The following SMUG1 variants were observed in gnomAD, a reference collection of about 807,000 sequenced individuals.
The protein encoded by SMUG1 is single-strand selective monofunctional uracil DNA glycosylase.
A neutral mutation model predicts 23.9 loss-of-function variants in SMUG1; 13 were observed. The observed-to-expected ratio is 0.54, with a 90% confidence interval of 0.35 to 0.86. The LOEUF (loss-of-function observed/expected upper bound fraction) is 0.86, where lower values mean the gene tolerates loss of function less well. Ranked by LOEUF, SMUG1 falls within the 40% of genes least tolerant of loss-of-function variation. SMUG1 has a pLI of 0.01. For missense variants in SMUG1, 313 were observed against 339.5 expected (o/e 0.92, Z 0.61); for synonymous variants, 133 against 139.8 (o/e 0.95, Z 0.34).
At chr12:54,179,456 TTCTA>T (rs1311642261), downstream of SMUG1, among the ~76,000 whole-genome samples, 3 of 152,186 alleles carry the variant, frequency 2.0e-5, no homozygotes, top group Non-Finnish European at 2.9e-5. Flanking sequence ...AAATGATGGC[TTCTA>T]TCTCTGTGCA....
At chr12:54,176,326 C>G (rs1940747488), downstream of SMUG1, among the ~76,000 whole-genome samples, 1 of 151,534 alleles carries the variant, frequency 6.6e-6, no homozygotes, top group Admixed American at 6.6e-5. Context: ...TAGAGACCAG[C>G]CTGGGCAACA....
At chr12:54,174,410 A>C (rs745327897) in intron 2 of SMUG1, among the ~76,000 whole-genome samples, 6 of 152,228 alleles carry the variant, frequency 3.9e-5, no homozygotes, top group Non-Finnish European at 8.8e-5. Context: ...GAGGGTAGAT[A>C]CCAGAAAGAG....
At chr12:54,185,521 TAAA>T (rs1942238377) in intron 2 of SMUG1, among the ~76,000 whole-genome samples, 1 of 45,704 alleles carries the variant, frequency 2.2e-5, no homozygotes, top group Non-Finnish European at 5.8e-5. Flanking sequence ...AATAAATAAA[TAAA>T]TAAATTTGCC....
rs2233921 is a variant in SMUG1 at position 54,182,016 on chromosome 12, C to A, written c.*80G>T. The A allele has an allele frequency of 0.45, 677,895 of 1,510,624 alleles. 158,229 individuals are homozygous for A. Among genetic ancestry groups the A allele is most frequent in the Non-Finnish European group, 0.47 (536,707 of 1,131,390 alleles). The allele number at this position is 1,510,624 out of a possible 1,614,324, so 93.6% of individuals were successfully genotyped here. ...GCACAGAAGGACCTTTTGCTCCAGT[C>A]CAGGAGATGTGTTGTCATCTGCTTG... On this transcript the variant is annotated 3_prime_UTR_variant, in exon 4 of 4. Transcript: ENST00000682136.
chr12:54,188,291 TAATA>T (rs1245110204), intron 1 of SMUG1, among the ~76,000 whole-genome samples: 6 of 27,934 alleles, frequency 2.1e-4, no homozygotes, highest in Admixed American at 1.9e-3. Context: ...ATAATAATAA[TAATA>T]AATAATAATA....
downstream of SMUG1, among the ~76,000 whole-genome samples, chr12:54,176,482 GC>G (rs1316060658): frequency 7.0e-6 from 1 of 143,708 alleles, no homozygotes; most frequent in Non-Finnish European, 1.5e-5. Context: ...CTGCACTCCA[GC>G]CTGGGAAAGA....
chr12:54,182,736 C>T (rs1644800923), intron 3 of SMUG1, 113 bp from the exon 4 acceptor site: 1 of 1,490,602 alleles, frequency 6.7e-7, no homozygotes, highest in African/African-American at 1.4e-5. Flanking sequence ...CACCCCCTAC[C>T]CCTACCTTCA....
chr12:54,176,626 G>T (rs549938363), downstream of SMUG1, among the ~76,000 whole-genome samples: 2 of 150,238 alleles, frequency 1.3e-5, no homozygotes, highest in African/African-American at 2.4e-5. Context: ...CTAACACGGT[G>T]AAACCCCGTC....
At chr12:54,158,857 A>C (rs142579395) in intron 4 of SMUG1, among the ~76,000 whole-genome samples, 2 of 152,228 alleles carry the variant, frequency 1.3e-5, no homozygotes, top group South Asian at 4.1e-4. Context: ...CCAAACCTCT[A>C]TCTCCACCTT....
chr12:54,183,806 C>A lies in SMUG1; in HGVS notation c.135G>T (p.Leu45=). 1 of 1,614,148 alleles carries A rather than the reference C, an allele frequency of 6.2e-7. No individual in the cohort carries two copies. The highest frequency in any genetic ancestry group is 8.5e-7 in the Non-Finnish European group (1 of 1,180,008). The change falls in exon 3 of 4, where the codon CTG becomes CTT. Residue 45 remains leucine (L), a synonymous_variant. Transcript: ENST00000682136. ...TGATGCCCACAGGCTCCGAAAACTG[C>A]AGCTGGCTCAGCTCAGCATTGAGCC... ...ELRLNAELSQ[L]QFSEPVGIIY... is the part of the protein sequence containing the mutation.
downstream of SMUG1, among the ~76,000 whole-genome samples, chr12:54,176,509 C>CCCT (rs1555199092): frequency 1.4e-4 from 14 of 98,216 alleles, 1 homozygote; most frequent in African/African-American, 5.6e-4. Flanking sequence ...AGATCCTGTC[C>CCCT]CCCCCCAAAA....
downstream of SMUG1, among the ~76,000 whole-genome samples, chr12:54,177,300 A>G (rs1329277531): frequency 6.6e-6 from 1 of 152,092 alleles, no homozygotes; most frequent in Admixed American, 6.5e-5. Context: ...GAGCTGAGAC[A>G]CTTGTTTTTT....
At chr12:54,187,590 G>A (rs1021678506) in intron 2 of SMUG1, among the ~76,000 whole-genome samples, 3 of 152,212 alleles carry the variant, frequency 2.0e-5, no homozygotes, top group African/African-American at 7.2e-5. Context: ...CAAGGCTGGG[G>A]AAAAGAGTGG....
At chr12:54,182,724 T>G (rs901745764) in intron 3 of SMUG1, 101 bp from the exon 4 acceptor site, 10 of 1,505,882 alleles carry the variant, frequency 6.6e-6, no homozygotes, top group Non-Finnish European at 8.8e-6. Flanking sequence ...GGATCCAGCC[T>G]GCACCCCCTA....
At chr12:54,171,792 C>T (rs1168620419) in intron 3 of SMUG1, among the ~76,000 whole-genome samples, 2 of 149,410 alleles carry the variant, frequency 1.3e-5, no homozygotes, top group Non-Finnish European at 3.0e-5. Flanking sequence ...ATGTCCACAA[C>T]TAATACTACT....
intron 3 of SMUG1, among the ~76,000 whole-genome samples, chr12:54,169,843 T>C (rs1213106996): frequency 6.6e-6 from 1 of 152,210 alleles, no homozygotes; most frequent in African/African-American, 2.4e-5. Flanking sequence ...GGTGGGCTGA[T>C]ATAAACAGCA....
intron 1 of SMUG1, among the ~76,000 whole-genome samples, chr12:54,188,305 AATAATAAT>A (rs1943025740): frequency 8.7e-6 from 1 of 114,482 alleles, no homozygotes; most frequent in Non-Finnish European, 1.7e-5. Context: ...AAATAATAAT[AATAATAAT>A]AATAATAATA....
Position 54,188,985 on chromosome 12 carries a change from T to C in SMUG1, c.-138A>G, listed in dbSNP as rs1943188057. On this transcript the variant is annotated 5_prime_UTR_variant, in exon 1 of 4. Coordinates refer to ENST00000682136, the MANE Select transcript of SMUG1 (RefSeq NM_001243787.2). Reference sequence around the variant, plus strand: ...CTCCCCATCCCGTTTCCGGTTCCTTTCCCCCACCCCAAACCCAACCCCCGG... The same window carrying C: ...CTCCCCATCCCGTTTCCGGTTCCTTCCCCCCACCCCAAACCCAACCCCCGG... 7.3e-6 allele frequency: 1 copy of C among 137,434 alleles called. No homozygotes were observed. Among genetic ancestry groups the C allele is most frequent in the African/African-American group, 2.7e-5 (1 of 37,056 alleles). 8.5% of individuals were successfully genotyped at this position (137,434 alleles called of 1,614,324 possible).
chr12:54,163,330 C>T (rs1354351795), downstream of SMUG1: 1 of 152,250 alleles, frequency 6.6e-6, no homozygotes, highest in Non-Finnish European at 1.5e-5. Context: ...TATGTGACCA[C>T]TGACATGTTA....
Sources: allele counts gnomAD v4.1 joint callset (sites outside exome capture counted in the v4.1 genomes callset), GRCh38; gene constraint gnomAD v4.1.1; transcripts MANE v1.5; gene names NCBI Gene and HGNC (gene_info 2026-07-23, HGNC 2026-07-21).